The following ATP13A5 variants were observed in gnomAD, a reference collection of about 807,000 sequenced individuals.
ATP13A5 encodes the protein ATPase 13A5.
A neutral mutation model predicts 150.2 loss-of-function variants in ATP13A5; 149 were observed. That is an observed-to-expected ratio of 0.99 (90% CI 0.87 to 1.14). The LOEUF (loss-of-function observed/expected upper bound fraction) is 1.14, where lower values mean the gene tolerates loss of function less well. Ranked by LOEUF, ATP13A5 falls within the 50% of genes most tolerant of loss-of-function variation. ATP13A5 has a pLI of 0.00. For missense variants in ATP13A5, 1,383 were observed against 1,449.3 expected (o/e 0.95, Z 0.74); for synonymous variants, 497 against 522.2 (o/e 0.95, Z 0.66).
intron 17 of ATP13A5, among the ~76,000 whole-genome samples, chr3:193,318,202 G>A (rs1719124171): frequency 6.6e-6 from 1 of 152,172 alleles, no homozygotes; most frequent in African/African-American, 2.4e-5. Flanking sequence ...ATGGACTTAG[G>A]TTGCAAATAA....
At chr3:193,301,164 G>A (rs1169620149) in intron 24 of ATP13A5, 47 bp downstream of exon 24, 9 of 1,352,976 alleles carry the variant, frequency 6.7e-6, no homozygotes, top group Non-Finnish European at 9.5e-6. Flanking sequence ...AATAAATTAG[G>A]GACATAAATG....
chr3:193,321,894 G>A (rs1719294939), intron 15 of ATP13A5, 57 bp from the exon 16 acceptor site: 1 of 1,580,212 alleles, frequency 6.3e-7, no homozygotes, highest in Non-Finnish European at 8.6e-7. Context: ...ATTTCCAAAT[G>A]CATACCAACA....
intron 19 of ATP13A5, among the ~76,000 whole-genome samples, chr3:193,312,451 T>C (rs1718892340): frequency 6.6e-6 from 1 of 152,192 alleles, no homozygotes. Context: ...CTTTCTATCA[T>C]GGTTCCCAGA....
chr3:193,298,466 T>C (rs1718262266), intron 25 of ATP13A5, among the ~76,000 whole-genome samples: 1 of 152,130 alleles, frequency 6.6e-6, no homozygotes. Context: ...TTCTCAAGGT[T>C]ATTAATATCC....
At position 193,353,662 on chromosome 3, in the gene ATP13A5, A is replaced by T. The variant is rs926993830; in HGVS notation, c.606+465T>A. On this transcript the variant is annotated intron_variant, in intron 6 of 29. Transcript: ENST00000342358. The stretch of plus-strand genomic sequence containing the variant: ...AGTGTCCTTGTAGGAAGAGGAAGAG[A>T]CCAGACCTCTCTCTCCACCATGTGA... 2.6e-5 allele frequency among the ~76,000 whole-genome samples: 4 copies of T among 152,152 alleles called. No individual in the cohort carries two copies. In the East Asian group the frequency reaches 7.7e-4, roughly 29 times the overall value.
intron 26 of ATP13A5, among the ~76,000 whole-genome samples, chr3:193,286,673 G>A (rs1490073038): frequency 6.6e-6 from 1 of 151,980 alleles, no homozygotes; most frequent in Non-Finnish European, 1.5e-5. Flanking sequence ...TTCCTCTCCT[G>A]GGGCCTCCCT....
rs772337128 is a variant in ATP13A5, at chr3:193,311,873, T to G, written c.2388A>C (p.Ala796=). The G allele has an allele frequency of 5.6e-6, 9 of 1,613,992 alleles. No individual in the cohort carries two copies. Among genetic ancestry groups the G allele is most frequent in the East Asian group, 2.2e-5 (1 of 44,862 alleles). Residue 796 remains alanine (A), a synonymous_variant, in exon 20 of 30, where the codon GCA becomes GCC. Transcript: ENST00000342358. The part of the protein sequence containing the change: ...RGEGGSCYHF[A]MSGKSYQVIF... ...TCACTTGGTATGATTTCCCACTCAT[T>G]GCAAAATGGTAACAGCTTCCTCCTT...
intron 9 of ATP13A5, among the ~76,000 whole-genome samples, chr3:193,338,794 G>A (rs1035978409): frequency 1.3e-5 from 2 of 152,144 alleles, no homozygotes; most frequent in Admixed American, 1.3e-4. Flanking sequence ...GATTGGAATT[G>A]TTTCAGAAGG....
intron 9 of ATP13A5, among the ~76,000 whole-genome samples, chr3:193,335,445 C>T (rs746789220): frequency 3.4e-4 from 52 of 152,130 alleles, no homozygotes; most frequent in Non-Finnish European, 1.2e-4. Context: ...CTTTCCAGCA[C>T]GTGAATAGTA....
chr3:193,294,008 C>T (rs1010731102), intron 25 of ATP13A5, among the ~76,000 whole-genome samples: 4 of 152,044 alleles, frequency 2.6e-5, no homozygotes, highest in Non-Finnish European at 4.4e-5. Flanking sequence ...GGGCATCTAA[C>T]CCACGTCAGG....
chr3:193,350,997 T>C, intron 7 of ATP13A5, 70 bp downstream of exon 7: 1 of 1,558,768 alleles, frequency 6.4e-7, no homozygotes, highest in Non-Finnish European at 8.7e-7. Flanking sequence ...TGGCTCTCAG[T>C]GGAAATACCA....
At position 193,363,519 on chromosome 3, in the gene ATP13A5, G is replaced by T. The variant is rs1713122200; in HGVS notation, c.238-137C>A. The T allele has an allele frequency of 1.2e-5, 9 of 770,504 alleles. No homozygotes were observed. In the East Asian group the frequency reaches 2.0e-4, roughly 17 times the overall value. 47.7% of individuals were successfully genotyped at this position (770,504 alleles called of 1,614,324 possible). A position where few individuals can be genotyped will look rare whatever the true frequency, so the allele number is the denominator to read the frequency against. On this transcript the variant is annotated intron_variant, in intron 2 of 29. Coordinates refer to ENST00000342358, the MANE Select transcript of ATP13A5 (RefSeq NM_198505.4). The stretch of plus-strand genomic sequence containing the variant: ...CTTTATCTCAGAACTTAGTAGAAAT[G>T]CAAATTCTCAGCCCCACTTCAGACC...
At chr3:193,318,465 A>T (rs1427269603) in intron 17 of ATP13A5, among the ~76,000 whole-genome samples, 3 of 152,204 alleles carry the variant, frequency 2.0e-5, no homozygotes, top group Admixed American at 2.0e-4. Flanking sequence ...GTAATTAAGA[A>T]TACTGAATTT....
At chr3:193,291,397 G>A (rs1421832487) in intron 25 of ATP13A5, among the ~76,000 whole-genome samples, 1 of 152,048 alleles carries the variant, frequency 6.6e-6, no homozygotes, top group Non-Finnish European at 1.5e-5. Context: ...GGCTTTTCCT[G>A]GGATGTATCC....
At chr3:193,285,652 A>G (rs1717693803) in intron 26 of ATP13A5, among the ~76,000 whole-genome samples, 2 of 152,220 alleles carry the variant, frequency 1.3e-5, no homozygotes, top group African/African-American at 4.8e-5. Context: ...CTACCTTTTC[A>G]GTCTTACCTT....
At chr3:193,309,745 C>T (rs1718767629) in intron 21 of ATP13A5, among the ~76,000 whole-genome samples, 1 of 152,132 alleles carries the variant, frequency 6.6e-6, no homozygotes, top group Non-Finnish European at 1.5e-5. Flanking sequence ...TGTCCGCTAG[C>T]CAGTGAAAAA....
At chr3:193,344,922 T>G (rs1712274501) in intron 8 of ATP13A5, 81 bp downstream of exon 8, 1 of 1,321,614 alleles carries the variant, frequency 7.6e-7, no homozygotes, top group African/African-American at 1.4e-5. Flanking sequence ...TTATTTCTCC[T>G]TGACTAATAA....
At position 193,300,961 on chromosome 3, in the gene ATP13A5, G is replaced by A. The variant is rs142720461; in HGVS notation, c.2775+250C>T. Among the ~76,000 whole-genome samples, 3 of 152,238 alleles carry A rather than the reference G, an allele frequency of 2.0e-5. No homozygotes were observed. The East Asian group carries it at 5.8e-4, about 29-fold the overall frequency. On this transcript the variant is annotated intron_variant, in intron 24 of 29. Transcript: ENST00000342358. ...TTCATATTCCAAAAGAAGAAACAGG[G>A]GTTTGGAGAGGTGAAGAGTCTCAGG...
At chr3:193,376,895 C>G (rs1713664196) in intron 1 of ATP13A5, among the ~76,000 whole-genome samples, 1 of 152,198 alleles carries the variant, frequency 6.6e-6, no homozygotes, top group Non-Finnish European at 1.5e-5. Flanking sequence ...CATCTGTGCT[C>G]TACGCCCCAG....
Sources: allele counts gnomAD v4.1 joint callset (sites outside exome capture counted in the v4.1 genomes callset), GRCh38; gene constraint gnomAD v4.1.1; transcripts MANE v1.5; gene names NCBI Gene and HGNC (gene_info 2026-07-23, HGNC 2026-07-21).